MS4A3: variants seen among roughly 807,000 people sequenced by gnomAD.
MS4A3 encodes the protein membrane spanning 4-domains A3.
In MS4A3, 18 loss-of-function variants were observed where a neutral mutation model predicts 24.7. The ratio of observed to expected loss-of-function variants is 0.73; its 90% CI spans 0.50 to 1.08. The LOEUF is 1.08. Among genes scored for constraint, MS4A3 ranks in the 50% least tolerant of loss-of-function variants. The pLI is 0.00. For synonymous variants in MS4A3, 84 were observed against 95.3 expected (o/e 0.88, Z 0.69); for missense variants, 282 against 251.7 (o/e 1.12, Z -0.82).
chr11:60,057,016 C>A (rs1017334793), intron 1 of MS4A3, among the ~76,000 whole-genome samples: 2 of 152,100 alleles, frequency 1.3e-5, no homozygotes, highest in African/African-American at 4.8e-5. Flanking sequence ...ACATTAAATC[C>A]CACTGGCTGC....
chr11:60,066,455 A>G (rs1226701947), intron 4 of MS4A3, among the ~76,000 whole-genome samples: 2 of 151,988 alleles, frequency 1.3e-5, no homozygotes, highest in African/African-American at 4.8e-5. Context: ...CTTCTTCTTC[A>G]TTTCCTAGTA....
intron 1 of MS4A3, 151 bp from the exon 2 acceptor site, chr11:60,060,995 G>T (rs113979451): frequency 5.0e-6 from 3 of 597,252 alleles, no homozygotes; most frequent in Admixed American, 3.8e-5. Context: ...ATTGAATATT[G>T]TACAAACTCT....
chr11:60,061,192 T>G lies in MS4A3; in HGVS notation c.32T>G (p.Leu11Arg), dbSNP rs749041166. ...TCCCACGAAGTTGATAATGCAGAGC[T>G]GGGGTCAGCCTCTGCCCATGGTACC... Reference protein sequence around the residue: MASHEVDNAELGSASAHGTPG... With the variant: MASHEVDNAERGSASAHGTPG... Residue 11 changes from leucine to arginine, a missense_variant, in exon 2 of 7, where the codon CTG becomes CGG. Leu to Arg is a moderately radical substitution (Grantham distance 102). Transcript: ENST00000278865. 137 of 1,608,880 alleles carry G rather than the reference T, an allele frequency of 8.5e-5. 1 individual carries two copies. The highest frequency in any genetic ancestry group is 1.8e-4 in the South Asian group (16 of 90,288).
At position 60,056,689 on chromosome 11, in the gene MS4A3, G is replaced by C. The variant is rs182290812; in HGVS notation, c.-67G>C. Reference sequence around the variant, plus strand: ...TCTTTTCTGAGTGTCTCCTACTTGCGACAAGGTGGACTTGGGAGGAAAGCC... The same window carrying C: ...TCTTTTCTGAGTGTCTCCTACTTGCCACAAGGTGGACTTGGGAGGAAAGCC... On this transcript the variant is annotated 5_prime_UTR_variant, in exon 1 of 7. Transcript: ENST00000278865. The C allele has an allele frequency of 6.6e-6, 1 of 152,204 alleles. No individual in the cohort carries two copies. The highest frequency in any genetic ancestry group is 6.5e-5 in the Admixed American group (1 of 15,278). The allele number at this position is 152,204 out of a possible 1,614,324, so 9.4% of individuals were successfully genotyped here.
rs58722616 is a variant in MS4A3, at chr11:60,058,506, C to CAAAAAAAAAAAAAAAAAA, written c.-16+1785_-16+1802dup. On this transcript the variant is annotated intron_variant, in intron 1 of 6. Coordinates refer to ENST00000278865, the MANE Select transcript of MS4A3 (RefSeq NM_006138.5). The stretch of plus-strand genomic sequence containing the variant: ...TGGGAGACAGAGCAAAGCTCCAACT[C>CAAAAAAAAAAAAAAAAAA]AAAAAAAAAAAAAAAAAAAAAAAAA... Among the ~76,000 whole-genome samples, 7 of 17,890 alleles carry CAAAAAAAAAAAAAAAAAA rather than the reference C, an allele frequency of 3.9e-4. 1 individual carries two copies. The highest frequency in any genetic ancestry group is 5.2e-4 in the African/African-American group (4 of 7,710). 11.7% of individuals were successfully genotyped at this position (17,890 alleles called of 152,430 possible).
chr11:60,068,495 G>A (rs1050293869), intron 5 of MS4A3, among the ~76,000 whole-genome samples: 5 of 148,238 alleles, frequency 3.4e-5, no homozygotes, highest in South Asian at 2.1e-4. Flanking sequence ...CTCGTGATCC[G>A]CCCGCCTCTG....
intron 4 of MS4A3, among the ~76,000 whole-genome samples, chr11:60,065,933 T>C (rs979418510): frequency 1.5e-4 from 23 of 152,214 alleles, no homozygotes; most frequent in African/African-American, 5.5e-4. Flanking sequence ...AATATCTGTA[T>C]GCCCACAACC....
At chr11:60,058,144 G>T (rs1005467479) in intron 1 of MS4A3, among the ~76,000 whole-genome samples, 10 of 152,228 alleles carry the variant, frequency 6.6e-5, no homozygotes, top group African/African-American at 1.4e-4. Context: ...ACCCAAAGGG[G>T]TGCATGCTTC....
intron 2 of MS4A3, 26 bp from the exon 3 acceptor site, chr11:60,062,442 C>G (rs201176946): frequency 8.7e-6 from 14 of 1,613,704 alleles, no homozygotes; most frequent in Admixed American, 3.3e-5. Context: ...ATGACTGTTA[C>G]GCCTTTTTCC....
In MS4A3 at chr11:60,057,492, C is replaced by A. The variant is rs11230134; in HGVS notation, c.-16+752C>A. 5.9e-5 allele frequency among the ~76,000 whole-genome samples: 9 copies of A among 152,262 alleles called. 1 individual carries two copies. In the East Asian group the frequency reaches 1.7e-3, roughly 29 times the overall value. ...CGATTTCGGCTCACTGCAAACTCCG[C>A]CTCATGGGTTCAAACAATTCTCCTG... On this transcript the variant is annotated intron_variant, in intron 1 of 6. Coordinates refer to ENST00000278865, the MANE Select transcript of MS4A3 (RefSeq NM_006138.5).
chr11:60,066,822 T>A, intron 4 of MS4A3, 129 bp from the exon 5 acceptor site: 2 of 674,046 alleles, frequency 3.0e-6, no homozygotes, highest in South Asian at 2.7e-5. Context: ...GTCATTGATG[T>A]TAGCCTCGCA....
intron 4 of MS4A3, among the ~76,000 whole-genome samples, chr11:60,066,232 A>G (rs1243420602): frequency 6.6e-6 from 1 of 152,188 alleles, no homozygotes; most frequent in East Asian, 1.9e-4. Flanking sequence ...ATTTCATCCA[A>G]TCCACCTTGT....
intron 3 of MS4A3, 69 bp downstream of exon 3, chr11:60,062,674 C>T (rs1304309344): frequency 1.9e-6 from 3 of 1,562,486 alleles, no homozygotes; most frequent in African/African-American, 1.4e-5. Flanking sequence ...TGTTTGATGA[C>T]AAAAATATTG....
chr11:60,065,881 C>T (rs774957126), intron 4 of MS4A3, among the ~76,000 whole-genome samples: 5 of 152,188 alleles, frequency 3.3e-5, no homozygotes, highest in East Asian at 1.9e-4. Flanking sequence ...TCAATCTATA[C>T]GTACTTCTTC....
In MS4A3 at chr11:60,067,038, A is replaced by C; in HGVS notation, c.439A>C (p.Ile147Leu). Residue 147 changes from isoleucine (I) to leucine (L), a missense_variant, in exon 5 of 7, where the codon ATC (isoleucine) becomes CTC (leucine). Physicochemically the swap from Ile to Leu is conservative, Grantham distance 5. Coordinates refer to ENST00000278865, the MANE Select transcript of MS4A3 (RefSeq NM_006138.5). The stretch of plus-strand genomic sequence containing the variant: ...TCTCTCACTAAATATAGCAGTTAAT[A>C]TCCAGTCATTAAGGAGTTGTCACTC... ...AFLSLNIAVN[I>L]QSLRSCHSSS... The C allele has an allele frequency of 6.2e-7, 1 of 1,613,406 alleles. No homozygotes were observed. The highest frequency in any genetic ancestry group is 8.5e-7 in the Non-Finnish European group (1 of 1,179,644).
At chr11:60,069,508 C>G in intron 5 of MS4A3, 66 bp from the exon 6 acceptor site, 1 of 1,099,628 alleles carries the variant, frequency 9.1e-7, no homozygotes, top group Non-Finnish European at 1.4e-6. Context: ...TGGTTTCCTG[C>G]TGACATTTTT....
At chr11:60,069,486 G>A (rs1178263775) in intron 5 of MS4A3, 88 bp from the exon 6 acceptor site, 2 of 799,084 alleles carry the variant, frequency 2.5e-6, no homozygotes, top group African/African-American at 1.7e-5. Context: ...ACGGGAGGGA[G>A]ATGTTGTAGT....
At chr11:60,067,209 A>AAT in intron 5 of MS4A3, 97 bp downstream of exon 5, 60 of 905,700 alleles carry the variant, frequency 6.6e-5, no homozygotes, top group Non-Finnish European at 9.0e-5. Context: ...CCATAATTTG[A>AAT]ATCTTTTTTT....
chr11:60,065,572 T>G (rs1855347549), intron 4 of MS4A3, among the ~76,000 whole-genome samples: 1 of 152,196 alleles, frequency 6.6e-6, no homozygotes. Context: ...TTTATTTTAT[T>G]CCCTACTATC....
Sources: allele counts gnomAD v4.1 joint callset (sites outside exome capture counted in the v4.1 genomes callset), GRCh38; gene constraint gnomAD v4.1.1; transcripts MANE v1.5; gene names NCBI Gene and HGNC (gene_info 2026-07-23, HGNC 2026-07-21).